The following CEMIP2 variants were observed in gnomAD, a reference collection of about 807,000 sequenced individuals.
The protein encoded by CEMIP2 is cell surface hyaluronidase CEMIP2.
Under a neutral mutation model 146.9 loss-of-function variants are expected in CEMIP2, and 79 were observed. The ratio of observed to expected loss-of-function variants is 0.54; its 90% CI spans 0.45 to 0.65. CEMIP2 has a LOEUF of 0.65. Among genes scored for constraint, CEMIP2 ranks in the 30% least tolerant of loss-of-function variants. The pLI is 0.00. For synonymous variants in CEMIP2, 601 were observed against 606.3 expected, an observed-to-expected ratio of 0.99 and a Z score of 0.13; for missense variants, 1,596 against 1,696.2, an observed-to-expected ratio of 0.94 and a Z score of 1.04.
Position 71,722,424 on chromosome 9 carries a change from T to C in CEMIP2, c.2267+3A>G. The C allele has an allele frequency of 1.2e-6, 2 of 1,608,194 alleles. No individual in the cohort carries two copies. The highest frequency in any genetic ancestry group is 1.7e-6 in the Non-Finnish European group (2 of 1,178,232). On this transcript the variant is annotated splice_donor_region_variant and intron_variant, in intron 12 of 23. Coordinates refer to ENST00000377044, the MANE Select transcript of CEMIP2 (RefSeq NM_013390.3). ...GAGTGTGACTTAAAAGAGCCAGCTTTACCTTGCACTATTGTCCAAACAGAG... is the reference window on the plus strand; with the variant it reads ...GAGTGTGACTTAAAAGAGCCAGCTTCACCTTGCACTATTGTCCAAACAGAG...
chr9:71,747,619 G>T (rs1824126223), intron 2 of CEMIP2, among the ~76,000 whole-genome samples: 1 of 152,154 alleles, frequency 6.6e-6, no homozygotes, highest in African/African-American at 2.4e-5. Context: ...ACCATAGGAA[G>T]AAATTCCTTT....
chr9:71,768,423 G>C lies in CEMIP2; in HGVS notation c.-79C>G, dbSNP rs1208844881. 1 of 152,194 alleles carries C rather than the reference G, an allele frequency of 6.6e-6. No homozygotes were observed. The allele number at this position is 152,194 out of a possible 1,614,324, so 9.4% of individuals were successfully genotyped here. On this transcript the variant is annotated 5_prime_UTR_variant, in exon 1 of 24. Transcript: ENST00000377044. The stretch of plus-strand genomic sequence containing the variant: ...CACAGCGGTCCAGGGAGACGGAGAG[G>C]AGTCCCTGGCGTCCTCGGGTCCAGA...
intron 21 of CEMIP2, among the ~76,000 whole-genome samples, chr9:71,692,789 C>A (rs967044301): frequency 1.3e-5 from 2 of 151,990 alleles, no homozygotes; most frequent in African/African-American, 4.8e-5. Flanking sequence ...AAAGCATGTG[C>A]CTTTAGTCCC....
intron 7 of CEMIP2, among the ~76,000 whole-genome samples, chr9:71,731,773 C>T (rs1163488404): frequency 1.3e-5 from 2 of 150,658 alleles, no homozygotes; most frequent in African/African-American, 4.9e-5. Context: ...ATACTACTTA[C>T]AACCACAGCC....
At chr9:71,685,901 C>T (rs1822047410) in intron 22 of CEMIP2, 55 bp from the exon 23 acceptor site, 1 of 1,234,688 alleles carries the variant, frequency 8.1e-7, no homozygotes, top group African/African-American at 1.5e-5. Flanking sequence ...GCATGAGTAT[C>T]TTTCTACTGA....
chr9:71,697,730 T>C (rs1822440509), intron 20 of CEMIP2: 2 of 422,904 alleles, frequency 4.7e-6, no homozygotes, highest in African/African-American at 4.0e-5. Flanking sequence ...CATAGCAACC[T>C]CTAATTTTAA....
intron 5 of CEMIP2, 126 bp downstream of exon 5, chr9:71,739,937 A>G: frequency 3.4e-6 from 3 of 891,022 alleles, no homozygotes; most frequent in Non-Finnish European, 5.0e-6. Context: ...ACTAAGTTTC[A>G]ACTTCAACTA....
chr9:71,694,415 A>G (rs1001328669), intron 21 of CEMIP2, 94 bp downstream of exon 21: 62 of 994,294 alleles, frequency 6.2e-5, no homozygotes, highest in African/African-American at 3.4e-4. Context: ...GAGCCACCGC[A>G]CCCAGCCAAT....
chr9:71,728,439 A>G (rs966286028), intron 10 of CEMIP2, among the ~76,000 whole-genome samples: 12 of 147,624 alleles, frequency 8.1e-5, no homozygotes, highest in African/African-American at 3.0e-4. Context: ...CCAAGGTCAC[A>G]CCACTACACT....
intron 15 of CEMIP2, among the ~76,000 whole-genome samples, chr9:71,714,476 T>C (rs1822992980): frequency 1.3e-5 from 2 of 152,138 alleles, no homozygotes; most frequent in African/African-American, 2.4e-5. Flanking sequence ...TTGGCATCAA[T>C]CAACTCTCAT....
At chr9:71,732,628 AC>A in intron 6 of CEMIP2, 108 bp from the exon 7 acceptor site, 2 of 972,058 alleles carry the variant, frequency 2.1e-6, no homozygotes, top group Non-Finnish European at 2.7e-6. Flanking sequence ...GATCCTGACA[AC>A]TTATCATCTG....
At chr9:71,758,549 C>A (rs1824531716) in intron 1 of CEMIP2, among the ~76,000 whole-genome samples, 1 of 152,078 alleles carries the variant, frequency 6.6e-6, no homozygotes, top group African/African-American at 2.4e-5. Context: ...GCTTGGCAAG[C>A]AAAGGTGGTC....
At chr9:71,697,458 T>C (rs1437337198) in intron 20 of CEMIP2, among the ~76,000 whole-genome samples, 3 of 151,434 alleles carry the variant, frequency 2.0e-5, no homozygotes, top group African/African-American at 7.3e-5. Context: ...CAGTCGGTAC[T>C]TTTTTTTTAA....
intron 1 of CEMIP2, 44 bp from the exon 2 acceptor site, chr9:71,750,429 T>A (rs1824217176): frequency 4.5e-6 from 6 of 1,318,826 alleles, no homozygotes; most frequent in Non-Finnish European, 6.1e-6. Flanking sequence ...GTGTAAATTC[T>A]TTTTTAATTT....
chr9:71,760,349 C>T (rs979846912), intron 1 of CEMIP2, among the ~76,000 whole-genome samples: 7 of 152,292 alleles, frequency 4.6e-5, no homozygotes, highest in African/African-American at 1.4e-4. Flanking sequence ...ATGAATCCCT[C>T]AAAACAAAGA....
chr9:71,739,951 G>A (rs1823866678), intron 5 of CEMIP2, 112 bp downstream of exon 5: 2 of 1,026,360 alleles, frequency 1.9e-6, no homozygotes, highest in Non-Finnish European at 2.8e-6. Context: ...TCAACTAGTT[G>A]AGAAATCTAA....
intron 10 of CEMIP2, among the ~76,000 whole-genome samples, chr9:71,728,268 T>TATATATACAC (rs1823476432): frequency 1.8e-4 from 2 of 10,840 alleles, no homozygotes; most frequent in Admixed American, 1.8e-3. Context: ...CACGTATATA[T>TATATATACAC]ATATATATAT....
intron 22 of CEMIP2, chr9:71,686,748 G>C (rs1822072824): frequency 1.3e-5 from 2 of 151,898 alleles, no homozygotes; most frequent in African/African-American, 2.4e-5. Context: ...GGGCACTTAG[G>C]GTATCCATCA....
chr9:71,734,509 TTAAAA>T (rs768040344), intron 6 of CEMIP2, among the ~76,000 whole-genome samples: 9 of 152,314 alleles, frequency 5.9e-5, no homozygotes, highest in Admixed American at 4.6e-4. Context: ...AACCCAGAAC[TTAAAA>T]TAATAGAAAA....
Sources: allele counts gnomAD v4.1 joint callset (sites outside exome capture counted in the v4.1 genomes callset), GRCh38; gene constraint gnomAD v4.1.1; transcripts MANE v1.5; gene names NCBI Gene and HGNC (gene_info 2026-07-23, HGNC 2026-07-21).